The following USH2A variants were observed in gnomAD, a reference collection of about 807,000 sequenced individuals.
USH2A encodes the protein Usher syndrome 2A (autosomal recessive, mild).
In USH2A, 443 loss-of-function variants were observed where a neutral mutation model predicts 538.9. The observed-to-expected ratio is 0.82, with a 90% confidence interval of 0.76 to 0.89. The LOEUF (loss-of-function observed/expected upper bound fraction) is 0.89. Among genes scored for constraint, USH2A ranks in the 40% least tolerant of loss-of-function variants. The pLI is 0.00. For missense variants in USH2A, 6,633 were observed against 6,324.8 expected (o/e 1.05, Z -1.65); for synonymous variants, 2,413 against 2,273.5 (o/e 1.06, Z -1.75).
intron 64 of USH2A, among the ~76,000 whole-genome samples, chr1:215,666,693 C>T (rs1024958195): frequency 2.0e-5 from 3 of 152,106 alleles, no homozygotes; most frequent in South Asian, 2.1e-4. Context: ...AGAAAATCAC[C>T]GCTTGAAAAT....
At chr1:216,186,847 ACTTCCAGGTCTGT>A (rs2034615810) in intron 20 of USH2A, among the ~76,000 whole-genome samples, 1 of 151,848 alleles carries the variant, frequency 6.6e-6, no homozygotes, top group South Asian at 2.1e-4. Context: ...CCACTGCTTA[ACTTCCAGGTCTGT>A]CTTCCTTGAA....
chr1:215,668,697 T>A (rs113943095), intron 64 of USH2A, among the ~76,000 whole-genome samples: 77 of 152,258 alleles, frequency 5.1e-4, no homozygotes, highest in African/African-American at 1.8e-3. Context: ...AAAATCTGAC[T>A]AGAGACAAGG....
chr1:215,888,145 C>T (rs778685740), intron 41 of USH2A, among the ~76,000 whole-genome samples: 9 of 152,222 alleles, frequency 5.9e-5, no homozygotes, highest in South Asian at 4.2e-4. Flanking sequence ...TTAAATCTGA[C>T]GTGGTGGTTA....
intron 19 of USH2A, among the ~76,000 whole-genome samples, chr1:216,193,183 T>C (rs2034757011): frequency 6.6e-6 from 1 of 151,946 alleles, no homozygotes; most frequent in African/African-American, 2.4e-5. Flanking sequence ...AACAACAAAA[T>C]AAAACATTGA....
At chr1:216,068,239 A>G (rs1343631561) in intron 30 of USH2A, among the ~76,000 whole-genome samples, 1 of 152,222 alleles carries the variant, frequency 6.6e-6, no homozygotes. Context: ...TAGATACTTC[A>G]TGCTAGACGA....
chr1:216,222,744 C>G lies in USH2A; in HGVS notation c.2994-5194G>C, dbSNP rs1475191429. ...CTGTAATCCCAGCACTTTGGGAGGC[C>G]AAGGCGGGCAGATCACCTGAGGTTG... On this transcript the variant is annotated intron_variant, in intron 14 of 71. Transcript: ENST00000307340. 2.0e-5 allele frequency among the ~76,000 whole-genome samples: 3 copies of G among 152,218 alleles called. No individual in the cohort carries two copies. In the South Asian group the frequency reaches 6.2e-4, roughly 32 times the overall value.
chr1:216,116,149 G>A (rs1442101509), intron 21 of USH2A, among the ~76,000 whole-genome samples: 1 of 151,492 alleles, frequency 6.6e-6, no homozygotes. Flanking sequence ...ATTAGTTCTA[G>A]TTTCATGTTT....
intron 21 of USH2A, chr1:216,173,808 A>G (rs2034318221): frequency 3.2e-6 from 1 of 312,004 alleles, no homozygotes; most frequent in African/African-American, 2.2e-5. Context: ...GCCCAGCTGA[A>G]TGGAAACGGA....
Position 216,131,852 on chromosome 1 carries a change from G to A in USH2A, c.4628-34639C>T, listed in dbSNP as rs542979164. ...TTAATGATAGTAAATACTTATGTTTGTTATTTTATGTGAGGCACTCTTCTA... is the reference window on the plus strand; with the variant it reads ...TTAATGATAGTAAATACTTATGTTTATTATTTTATGTGAGGCACTCTTCTA... On this transcript the variant is annotated intron_variant, in intron 21 of 71. Transcript: ENST00000307340. Among the ~76,000 whole-genome samples the A allele has an allele frequency of 2.0e-4, 31 of 152,002 alleles. No homozygotes were observed. In the East Asian group the frequency reaches 6.0e-3, roughly 29 times the overall value.
At chr1:216,421,820 CTA>C in intron 2 of USH2A, 30 bp downstream of exon 2, 1 of 1,613,608 alleles carries the variant, frequency 6.2e-7, no homozygotes, top group Non-Finnish European at 8.5e-7. Flanking sequence ...TTTTGGGGAC[CTA>C]TGAAAGCTTA....
chr1:215,743,165 A>G lies in USH2A; in HGVS notation c.11548+12T>C. ...CATAAAAGCCCAGGCCAAGTGTCTG[A>G]AAGACTTTCACCATTTTGACATGCT... is the stretch of plus-strand genomic sequence containing the variant. On this transcript the variant is annotated intron_variant, in intron 59 of 71. Coordinates refer to ENST00000307340, the MANE Select transcript of USH2A (RefSeq NM_206933.4). The G allele has an allele frequency of 6.2e-7, 1 of 1,607,528 alleles. No individual in the cohort carries two copies. The highest frequency in any genetic ancestry group is 1.1e-5 in the South Asian group (1 of 91,044).
At chr1:216,408,515 A>G (rs1045695163) in intron 3 of USH2A, among the ~76,000 whole-genome samples, 4 of 152,204 alleles carry the variant, frequency 2.6e-5, no homozygotes, top group East Asian at 1.9e-4. Flanking sequence ...GAGATTAACA[A>G]TAACTATCAA....
At position 216,422,339 on chromosome 1, in the gene USH2A, T is replaced by G; in HGVS notation, c.-3A>C. 2.5e-6 allele frequency: 4 copies of G among 1,613,624 alleles called. No homozygotes were observed. The highest frequency in any genetic ancestry group is 3.4e-6 in the Non-Finnish European group (4 of 1,179,790). The stretch of plus-strand genomic sequence containing the variant: ...AATGAAAGAACTGGGCAATTCATGT[T>G]TACAAAAAAGCATTCTCCTCCTGAT... On this transcript the variant is annotated 5_prime_UTR_variant, in exon 2 of 72. An upstream open reading frame in the 5' UTR loses its in-frame stop. Coordinates refer to ENST00000307340, the MANE Select transcript of USH2A (RefSeq NM_206933.4).
intron 31 of USH2A, among the ~76,000 whole-genome samples, chr1:216,048,075 A>C (rs1171166434): frequency 2.0e-5 from 3 of 152,216 alleles, no homozygotes; most frequent in Admixed American, 6.5e-5. Context: ...AGGTTTCATC[A>C]TACTGAAATA....
At chr1:216,078,396 T>C in intron 26 of USH2A, 34 bp from the exon 27 acceptor site, 3 of 1,605,520 alleles carry the variant, frequency 1.9e-6, no homozygotes, top group Non-Finnish European at 2.6e-6. Context: ...AGTAGGTATA[T>C]AAAAAGGCTG....
chr1:216,232,929 A>G (rs931591003), intron 13 of USH2A, among the ~76,000 whole-genome samples: 1 of 152,186 alleles, frequency 6.6e-6, no homozygotes, highest in Non-Finnish European at 1.5e-5. Flanking sequence ...AGGTTAACAC[A>G]CTTTCCTAAA....
intron 62 of USH2A, among the ~76,000 whole-genome samples, chr1:215,677,223 C>T (rs1301805844): frequency 6.6e-6 from 1 of 152,146 alleles, no homozygotes; most frequent in Admixed American, 6.6e-5. Flanking sequence ...TATCTCTGTA[C>T]CTACTGAAGG....
chr1:216,038,008 G>A (rs974610706), intron 32 of USH2A, among the ~76,000 whole-genome samples: 47 of 151,948 alleles, frequency 3.1e-4, no homozygotes, highest in Non-Finnish European at 6.5e-4. Context: ...AGTCAGAATT[G>A]TACAAAGTGA....
chr1:215,997,604 T>A (rs1668170490), intron 34 of USH2A, among the ~76,000 whole-genome samples: 1 of 152,078 alleles, frequency 6.6e-6, no homozygotes, highest in African/African-American at 2.4e-5. Context: ...TGATATGAAT[T>A]GATTGACTGC....
Sources: gnomAD v4.1 joint callset for allele counts (sites outside exome capture counted in the v4.1 genomes callset) on GRCh38, gnomAD v4.1.1 for gene constraint, MANE v1.5 for transcripts, NCBI Gene and HGNC (gene_info 2026-07-23, HGNC 2026-07-21) for gene names.